The following ELN variants were observed in gnomAD, a reference collection of about 807,000 sequenced individuals.
The protein encoded by ELN is tropoelastin.
A neutral mutation model predicts 105.8 loss-of-function variants in ELN; 65 were observed. The observed-to-expected ratio is 0.61, with a 90% confidence interval of 0.50 to 0.75. The LOEUF (loss-of-function observed/expected upper bound fraction) is 0.75, where lower values mean the gene tolerates loss of function less well. ELN is among the 30% of genes least tolerant of loss of function. The probability of loss-of-function intolerance (pLI) is 0.00; values close to 1 mark genes in which losing one functional copy is unlikely to be tolerated. For missense variants in ELN, 882 were observed against 969.4 expected, an observed-to-expected ratio of 0.91 and a Z score of 1.20; for synonymous variants, 368 against 389.2, an observed-to-expected ratio of 0.95 and a Z score of 0.64.
In ELN at chr7:74,052,093, A is replaced by G. The variant is rs1322348343; in HGVS notation, c.949+110A>G. 3.3e-6 allele frequency: 4 copies of G among 1,214,236 alleles called. No individual in the cohort carries two copies. The African/African-American group carries it at 4.5e-5, about 14-fold the overall frequency. The allele number at this position is 1,214,236 out of a possible 1,614,324, so 75.2% of individuals were successfully genotyped here. A position where few individuals can be genotyped will look rare whatever the true frequency, so the allele number is the denominator to read the frequency against. ...GGCCTTTGTTCCTTCCCAAATATGC[A>G]TTGTTCATGCCTCCTTACCTTTGCC... On this transcript the variant is annotated intron_variant, in intron 17 of 32. Coordinates refer to ENST00000252034, the MANE Select transcript of ELN (RefSeq NM_000501.4).
chr7:74,036,460 T>C (rs909923741), intron 2 of ELN, 95 bp from the exon 3 acceptor site: 25 of 1,554,512 alleles, frequency 1.6e-5, no homozygotes, highest in Non-Finnish European at 2.2e-5. Context: ...GTCACGTAGT[T>C]AGGCAGAGGT....
At chr7:74,066,033 TCTG>T in intron 31 of ELN, 36 bp downstream of exon 31, 1 of 1,613,762 alleles carries the variant, frequency 6.2e-7, no homozygotes, top group South Asian at 1.1e-5. Flanking sequence ...AGTCCTCAGC[TCTG>T]TCCCGATCTA....
chr7:74,040,966 T>C (rs1554668088), intron 4 of ELN, among the ~76,000 whole-genome samples: 1 of 152,182 alleles, frequency 6.6e-6, no homozygotes, highest in South Asian at 2.1e-4. Flanking sequence ...GCAGGGCTTC[T>C]AGGAGAAGCA....
In ELN at chr7:74,058,096, C is replaced by T. The variant is rs550614046; in HGVS notation, c.1414+400C>T. Among the ~76,000 whole-genome samples, 82 of 150,256 alleles carry T rather than the reference C, an allele frequency of 5.5e-4. 1 individual carries two copies. The South Asian group carries it at 0.017, about 31-fold the overall frequency. On this transcript the variant is annotated intron_variant, in intron 22 of 32. Coordinates refer to ENST00000252034, the MANE Select transcript of ELN (RefSeq NM_000501.4). ...TCTTTCTTCTCCTCCTCCTCCTTCT[C>T]CTTCTCCCTCCTCCTCCTTCTCATT...
intron 3 of ELN, 33 bp from the exon 4 acceptor site, chr7:74,037,674 C>T (rs1554666480): frequency 6.2e-7 from 1 of 1,607,728 alleles, no homozygotes; most frequent in South Asian, 1.1e-5. Flanking sequence ...TAAGCTGGGC[C>T]ACCCCATTCA....
chr7:74,048,025 T>C lies in ELN; in HGVS notation c.686-117T>C, dbSNP rs1792970338. 6 of 1,261,452 alleles carry C rather than the reference T, an allele frequency of 4.8e-6. No homozygotes were observed. In the South Asian group the frequency reaches 6.0e-5, roughly 13 times the overall value. 78.1% of individuals were successfully genotyped at this position (1,261,452 alleles called of 1,614,324 possible). ...TGTTTGTATTTGTTTTCACTCTGGCTGGGGGTGACAGGTGCAGACTCAGGA... is the reference window on the plus strand; with the variant it reads ...TGTTTGTATTTGTTTTCACTCTGGCCGGGGGTGACAGGTGCAGACTCAGGA... On this transcript the variant is annotated intron_variant, in intron 13 of 32. Coordinates refer to ENST00000252034, the MANE Select transcript of ELN (RefSeq NM_000501.4).
intron 10 of ELN, chr7:74,045,648 C>T: frequency 2.7e-6 from 1 of 371,922 alleles, no homozygotes; most frequent in South Asian, 2.3e-5. Flanking sequence ...GAGGCTAAGA[C>T]AGGAGGATCT....
chr7:74,049,660 C>T (rs1793452320), intron 15 of ELN, among the ~76,000 whole-genome samples: 1 of 150,362 alleles, frequency 6.7e-6, no homozygotes, highest in South Asian at 2.1e-4. Context: ...ATCCATTCAT[C>T]CATCCATCCA....
At chr7:74,031,347 C>A (rs1335369540) in intron 1 of ELN, among the ~76,000 whole-genome samples, 2 of 152,166 alleles carry the variant, frequency 1.3e-5, no homozygotes, top group Non-Finnish European at 2.9e-5. Context: ...AATAAAAGGA[C>A]CGTGGGAATG....
chr7:74,040,121 G>A (rs1584518176), intron 4 of ELN, among the ~76,000 whole-genome samples: 1 of 152,184 alleles, frequency 6.6e-6, no homozygotes, highest in African/African-American at 2.4e-5. Flanking sequence ...AAGGAAGATG[G>A]CCCCAGAGAA....
At chr7:74,030,053 C>T (rs1056318933) in intron 1 of ELN, among the ~76,000 whole-genome samples, 1 of 152,212 alleles carries the variant, frequency 6.6e-6, no homozygotes, top group Admixed American at 6.5e-5. Flanking sequence ...TCAGTGACAC[C>T]GCTAAACGCC....
At chr7:74,036,756 G>C (rs139983234) in intron 3 of ELN, among the ~76,000 whole-genome samples, 172 bp downstream of exon 3, 5 of 152,282 alleles carry the variant, frequency 3.3e-5, no homozygotes, top group Admixed American at 1.3e-4. Flanking sequence ...GAACCCATTG[G>C]CCTTCCCAGT....
chr7:74,032,809 G>T (rs1789005239), intron 1 of ELN, among the ~76,000 whole-genome samples: 1 of 152,146 alleles, frequency 6.6e-6, no homozygotes, highest in Non-Finnish European at 1.5e-5. Context: ...AAGGCAGGGG[G>T]ACTCCCAGGG....
rs781921118 is a variant in ELN at position 74,036,527 on chromosome 7, CTCTCTT to C, written c.134-16_134-11del. 9 of 1,613,678 alleles carry C rather than the reference CTCTCTT, an allele frequency of 5.6e-6. No homozygotes were observed. The East Asian group carries it at 8.9e-5, about 16-fold the overall frequency. On this transcript the variant is annotated intron_variant, in intron 2 of 32. Coordinates refer to ENST00000252034, the MANE Select transcript of ELN (RefSeq NM_000501.4). ...CTTGCCTGGCAGAAGTACCGATGAT[CTCTCTT>C]TCTCTTTCTCTCCCCCCACAGGGGC...
Position 74,066,790 on chromosome 7 carries a change from C to T in ELN, c.2131+14C>T, listed in dbSNP as rs782790041. ...CCATTTTCCCAGGTATGCCAGGCTC[C>T]CTGCCCCTGGGCCCTGCCCTGGAGC... On this transcript the variant is annotated intron_variant, in intron 32 of 32. Transcript: ENST00000252034. The T allele has an allele frequency of 9.9e-6, 16 of 1,612,998 alleles. No homozygotes were observed. In the East Asian group the frequency reaches 3.1e-4, roughly 31 times the overall value.
chr7:74,043,621 T>C, intron 8 of ELN: 1 of 636,898 alleles, frequency 1.6e-6, no homozygotes, highest in Non-Finnish European at 2.8e-6. Flanking sequence ...TGGAAGCTGT[T>C]AGCCAGAGGT....
intron 13 of ELN, 59 bp from the exon 14 acceptor site, chr7:74,048,083 G>A: frequency 6.2e-7 from 1 of 1,604,810 alleles, no homozygotes; most frequent in Non-Finnish European, 8.5e-7. Flanking sequence ...GCAGGGGGAG[G>A]GGGAGGGCAG....
chr7:74,043,108 T>A lies in ELN; in HGVS notation c.377-10T>A, dbSNP rs1791618169. 6.2e-7 allele frequency: 1 copy of A among 1,613,872 alleles called. No individual in the cohort carries two copies. Among genetic ancestry groups the A allele is most frequent in the Non-Finnish European group, 8.5e-7 (1 of 1,179,980 alleles). ...TGGAGCCAACTCTGATGCAGCCCCT[T>A]CTGTGCCAGGTGCGGTGGTTCCTCA... On this transcript the variant is annotated splice_polypyrimidine_tract_variant and intron_variant, in intron 7 of 32. Transcript: ENST00000252034.
At chr7:74,036,414 A>G in intron 2 of ELN, 141 bp from the exon 3 acceptor site, 1 of 1,102,454 alleles carries the variant, frequency 9.1e-7, no homozygotes, top group South Asian at 1.3e-5. Context: ...AGCAGAAGAG[A>G]AAACCGAGGC....
Sources: allele counts gnomAD v4.1 joint callset (sites outside exome capture counted in the v4.1 genomes callset), GRCh38; gene constraint gnomAD v4.1.1; transcripts MANE v1.5; gene names NCBI Gene and HGNC (gene_info 2026-07-23, HGNC 2026-07-21).